The following FRMD4B variants were observed in gnomAD, a reference collection of about 807,000 sequenced individuals.
The protein encoded by FRMD4B is FERM domain containing 4B.
A neutral mutation model predicts 141.5 loss-of-function variants in FRMD4B; 74 were observed. That is an observed-to-expected ratio of 0.52 (90% CI 0.43 to 0.63). The LOEUF is 0.63. Ranked by LOEUF, FRMD4B falls within the 30% of genes least tolerant of loss-of-function variation. The pLI is 0.00. For missense variants in FRMD4B, 1,366 were observed against 1,253.4 expected (o/e 1.09, Z -1.36); for synonymous variants, 506 against 467.9 (o/e 1.08, Z -1.05).
At chr3:69,322,278 C>T (rs1204188973) in intron 1 of FRMD4B, among the ~76,000 whole-genome samples, 1 of 152,134 alleles carries the variant, frequency 6.6e-6, no homozygotes, top group Non-Finnish European at 1.5e-5. Flanking sequence ...AACAGGGCCC[C>T]TTTATATCAT....
intron 2 of FRMD4B, among the ~76,000 whole-genome samples, chr3:69,401,941 G>GTT (rs1469181413): frequency 1.3e-5 from 2 of 152,200 alleles, no homozygotes; most frequent in Non-Finnish European, 2.9e-5. Flanking sequence ...AAAACTTTTA[G>GTT]TTTAGTAAAA....
intron 1 of FRMD4B, among the ~76,000 whole-genome samples, chr3:69,505,219 A>T (rs1706576797): frequency 6.6e-6 from 1 of 152,138 alleles, no homozygotes; most frequent in South Asian, 2.1e-4. Context: ...AAAATTAAAA[A>T]TAAAAAAAAT....
rs1359259523 is a variant in FRMD4B at position 69,188,774 on chromosome 3, A to ACC, written c.1772-858_1772-857insGG. On this transcript the variant is annotated intron_variant, in intron 18 of 22. Coordinates refer to ENST00000398540, the MANE Select transcript of FRMD4B (RefSeq NM_015123.3). ...GCGAGACTCCGTCTCAAAAAAAAAAAAAAAAAAAAACTTGGGGAAGATAAA... is the reference window on the plus strand; with the variant it reads ...GCGAGACTCCGTCTCAAAAAAAAAAACCAAAAAAAAAACTTGGGGAAGATAAA... 4.7e-5 allele frequency among the ~76,000 whole-genome samples: 7 copies of ACC among 149,918 alleles called. 1 individual carries two copies. In the East Asian group the frequency reaches 1.4e-3, roughly 31 times the overall value.
intron 5 of FRMD4B, among the ~76,000 whole-genome samples, chr3:69,267,591 GTGTGTATATATATATA>G (rs1410506034): frequency 5.1e-5 from 5 of 98,150 alleles, no homozygotes; most frequent in African/African-American, 1.3e-4. Flanking sequence ...GTGTGTGTGT[GTGTGTATATATATATA>G]TATATATATA....
intron 19 of FRMD4B, 104 bp from the exon 20 acceptor site, chr3:69,182,821 G>C (rs1187251644): frequency 4.8e-6 from 5 of 1,049,686 alleles, no homozygotes; most frequent in Non-Finnish European, 7.1e-6. Context: ...CAAGGAAAGG[G>C]AAAATAGGGA....
rs565594064 is a variant in FRMD4B, at chr3:69,502,083, T to C, written c.-129+40123A>G. Among the ~76,000 whole-genome samples, 261 of 152,196 alleles carry C rather than the reference T, an allele frequency of 1.7e-3. 1 individual carries two copies. The highest frequency in any genetic ancestry group is 3.0e-3 in the Admixed American group (46 of 15,302). On this transcript the variant is annotated intron_variant, in intron 1 of 5. Transcript: ENST00000459638. ...CATGCTCATGGGTAGGAAGAATCAA[T>C]ATCGTGAAAATGGCCATACTGCCCA...
At chr3:69,183,906 C>A (rs1191281493) in intron 19 of FRMD4B, among the ~76,000 whole-genome samples, 1 of 151,512 alleles carries the variant, frequency 6.6e-6, no homozygotes, top group Non-Finnish European at 1.5e-5. Context: ...TGTCTATAAT[C>A]TTTTTTTTAG....
intron 1 of FRMD4B, among the ~76,000 whole-genome samples, chr3:69,475,544 T>C (rs1225063279): frequency 2.6e-5 from 4 of 152,186 alleles, no homozygotes; most frequent in African/African-American, 9.7e-5. Context: ...ACTCATCATT[T>C]TTTATGGCTG....
intron 1 of FRMD4B, among the ~76,000 whole-genome samples, chr3:69,503,817 C>T (rs190872099): frequency 1.3e-5 from 2 of 152,238 alleles, no homozygotes; most frequent in Admixed American, 1.3e-4. Context: ...GCAGACCATC[C>T]CACTGCACTA....
At chr3:69,408,847 G>A (rs1182169891) in intron 2 of FRMD4B, among the ~76,000 whole-genome samples, 2 of 152,076 alleles carry the variant, frequency 1.3e-5, no homozygotes, top group African/African-American at 4.8e-5. Flanking sequence ...GTTGCACCTG[G>A]GGACCACTGC....
chr3:69,421,726 C>A (rs1704985176), intron 2 of FRMD4B, among the ~76,000 whole-genome samples: 2 of 152,282 alleles, frequency 1.3e-5, no homozygotes, highest in East Asian at 3.9e-4. Context: ...TGCTCAATAG[C>A]CACAGGTATT....
In FRMD4B at chr3:69,187,756, A is replaced by G; in HGVS notation, c.1919+14T>C. The stretch of plus-strand genomic sequence containing the variant: ...CTGTGGGGCATTAACCTTACTGATG[A>G]TATGACCTCTCACCTGGACTGCCTG... On this transcript the variant is annotated intron_variant, in intron 19 of 22. Transcript: ENST00000398540. 6.2e-7 allele frequency: 1 copy of G among 1,604,736 alleles called. No homozygotes were observed. Among genetic ancestry groups the G allele is most frequent in the South Asian group, 1.1e-5 (1 of 89,060 alleles).
At chr3:69,473,814 C>T (rs532352362) in intron 1 of FRMD4B, among the ~76,000 whole-genome samples, 2 of 152,278 alleles carry the variant, frequency 1.3e-5, no homozygotes, top group East Asian at 1.9e-4. Context: ...AGTGACCCTA[C>T]ACAAGGTTAA....
At chr3:69,279,318 T>A (rs976056542) in intron 5 of FRMD4B, among the ~76,000 whole-genome samples, 3 of 152,208 alleles carry the variant, frequency 2.0e-5, no homozygotes, top group Non-Finnish European at 2.9e-5. Flanking sequence ...AATAAACTAT[T>A]CAAGCTTGGC....
At chr3:69,336,745 C>T (rs1702565559) in intron 1 of FRMD4B, among the ~76,000 whole-genome samples, 3 of 151,974 alleles carry the variant, frequency 2.0e-5, no homozygotes, top group Non-Finnish European at 4.4e-5. Context: ...GTCAGGAGTT[C>T]GAGACCAGCC....
chr3:69,409,130 A>G (rs1340233822), intron 2 of FRMD4B, among the ~76,000 whole-genome samples: 1 of 151,980 alleles, frequency 6.6e-6, no homozygotes, highest in African/African-American at 2.4e-5. Flanking sequence ...TCATTCCACT[A>G]CTCAGTCTCA....
chr3:69,390,093 C>T (rs1266792274), upstream of FRMD4B, among the ~76,000 whole-genome samples: 1 of 152,106 alleles, frequency 6.6e-6, no homozygotes, highest in Non-Finnish European at 1.5e-5. Context: ...CCTGAGGCTC[C>T]TGTAGGTTCT....
intron 1 of FRMD4B, among the ~76,000 whole-genome samples, chr3:69,484,017 TA>T (rs1255573402): frequency 1.3e-5 from 2 of 152,252 alleles, no homozygotes; most frequent in African/African-American, 4.8e-5. Flanking sequence ...CTGCATTTAT[TA>T]CATTCTCCTG....
In FRMD4B at chr3:69,216,263, C is replaced by A. The variant is rs766388652; in HGVS notation, c.876G>T (p.Lys292Asn). ...YDIQDKVKPR[K>N]LFQWKQLENL... ...TTCTCCTAAAGTGATCCACACTTACCTTCCGAGGCTTCACCTTGTCTTGTA... is the reference window on the plus strand; with the variant it reads ...TTCTCCTAAAGTGATCCACACTTACATTCCGAGGCTTCACCTTGTCTTGTA... Residue 292 changes from lysine to asparagine, a missense_variant and splice_region_variant, in exon 11 of 23, where the codon AAG (lysine) becomes AAT (asparagine). Lys to Asn is a moderately conservative substitution (Grantham distance 94). Transcript: ENST00000398540. The A allele has an allele frequency of 2.7e-6, 4 of 1,491,298 alleles. No homozygotes were observed. The highest frequency in any genetic ancestry group is 2.8e-6 in the Non-Finnish European group (3 of 1,081,170). 92.4% of individuals were successfully genotyped at this position (1,491,298 alleles called of 1,614,324 possible).
Sources: allele counts gnomAD v4.1 joint callset (sites outside exome capture counted in the v4.1 genomes callset), GRCh38; gene constraint gnomAD v4.1.1; transcripts MANE v1.5; gene names NCBI Gene and HGNC (gene_info 2026-07-23, HGNC 2026-07-21).